The following SYN3 variants were observed in gnomAD, a reference collection of about 807,000 sequenced individuals.
SYN3 encodes synapsin III.
Under a neutral mutation model 65.8 loss-of-function variants are expected in SYN3, and 35 were observed. The observed-to-expected ratio is 0.53, with a 90% confidence interval of 0.41 to 0.70. The LOEUF is 0.70. Among genes scored for constraint, SYN3 ranks in the 30% least tolerant of loss-of-function variants. The probability of loss-of-function intolerance (pLI) is 0.00; values close to 1 mark genes in which losing one functional copy is unlikely to be tolerated. For synonymous variants in SYN3, 270 were observed against 292.9 expected (o/e 0.92, Z 0.80); for missense variants, 680 against 749.0 (o/e 0.91, Z 1.08).
At chr22:32,922,551 G>A (rs1048907208) in intron 4 of SYN3, among the ~76,000 whole-genome samples, 18 of 152,004 alleles carry the variant, frequency 1.2e-4, no homozygotes, top group African/African-American at 3.9e-4. Context: ...AACTAAGTCC[G>A]GATCCAGAGC....
At chr22:32,792,146 G>A (rs929486986) in intron 6 of SYN3, among the ~76,000 whole-genome samples, 8 of 152,174 alleles carry the variant, frequency 5.3e-5, no homozygotes, top group Non-Finnish European at 1.0e-4. Context: ...AAAATCCTAC[G>A]AGGTATGCAT....
At position 32,780,951 on chromosome 22, in the gene SYN3, T is replaced by TTCCTTCCG. The variant is rs2046034572; in HGVS notation, c.711+83963_711+83964insCGGAAGGA. On this transcript the variant is annotated intron_variant, in intron 6 of 13. Transcript: ENST00000358763. ...TTCCTTCCTTTCCTTCCTTCCTTCC[T>TTCCTTCCG]TCCTTCCTTCCTTCCTTCCTTCCTT... Among the ~76,000 whole-genome samples, 10 of 76,276 alleles carry TTCCTTCCG rather than the reference T, an allele frequency of 1.3e-4. 1 individual carries two copies. Among genetic ancestry groups the TTCCTTCCG allele is most frequent in the African/African-American group, 4.0e-4 (10 of 25,258 alleles). The allele number at this position is 76,276 out of a possible 152,430, so 50.0% of individuals were successfully genotyped here.
At chr22:32,745,099 G>C (rs1412133418) in intron 6 of SYN3, among the ~76,000 whole-genome samples, 2 of 152,174 alleles carry the variant, frequency 1.3e-5, no homozygotes, top group African/African-American at 4.8e-5. Context: ...GGAATCAGTG[G>C]TGCAGAAGTT....
intron 6 of SYN3, among the ~76,000 whole-genome samples, chr22:32,731,577 T>A (rs1421578865): frequency 6.6e-6 from 1 of 152,140 alleles, no homozygotes; most frequent in Non-Finnish European, 1.5e-5. Context: ...TCAAGGCCAG[T>A]GGTGAGGTAA....
chr22:32,850,289 T>A (rs1393035462), intron 6 of SYN3, among the ~76,000 whole-genome samples: 3 of 151,960 alleles, frequency 2.0e-5, no homozygotes, highest in Admixed American at 2.0e-4. Flanking sequence ...GGCTTGTCCC[T>A]TTTCCTGGGC....
chr22:32,702,550 T>C (rs1420013599), intron 6 of SYN3, among the ~76,000 whole-genome samples: 1 of 152,254 alleles, frequency 6.6e-6, no homozygotes, highest in Non-Finnish European at 1.5e-5. Flanking sequence ...TCAGTGATTC[T>C]GAAACTAAGA....
At chr22:32,602,626 T>C (rs2059301690) in intron 6 of SYN3, among the ~76,000 whole-genome samples, 1 of 152,112 alleles carries the variant, frequency 6.6e-6, no homozygotes, top group African/African-American at 2.4e-5. Flanking sequence ...CATGCCCAGC[T>C]AATTTTTGTA....
intron 6 of SYN3, among the ~76,000 whole-genome samples, chr22:32,811,527 C>T (rs550433321): frequency 6.6e-6 from 1 of 152,166 alleles, no homozygotes; most frequent in Non-Finnish European, 1.5e-5. Flanking sequence ...ATCCCCCCGC[C>T]TCCAAATCTA....
At chr22:32,559,689 G>C (rs1050785415) in intron 7 of SYN3, among the ~76,000 whole-genome samples, 2 of 152,156 alleles carry the variant, frequency 1.3e-5, no homozygotes, top group African/African-American at 4.8e-5. Context: ...TTAGCCGGGC[G>C]TGGCGGCGGG....
At chr22:32,931,080 A>G in intron 4 of SYN3, 1 of 234,164 alleles carries the variant, frequency 4.3e-6, no homozygotes, top group Non-Finnish European at 8.6e-6. Context: ...GCATATCATC[A>G]TGCTGCAGAT....
intron 6 of SYN3, among the ~76,000 whole-genome samples, chr22:32,701,940 A>G (rs2060815647): frequency 6.6e-6 from 1 of 152,232 alleles, no homozygotes; most frequent in Non-Finnish European, 1.5e-5. Flanking sequence ...GAAAAAACAC[A>G]AAGAAAACCA....
intron 6 of SYN3, among the ~76,000 whole-genome samples, chr22:32,608,316 C>T (rs754175348): frequency 6.6e-6 from 1 of 152,228 alleles, no homozygotes; most frequent in Non-Finnish European, 1.5e-5. Context: ...ATGATCCGCC[C>T]GCTTCGGCTT....
chr22:32,933,144 A>G (rs1477318013), intron 3 of SYN3, among the ~76,000 whole-genome samples: 1 of 152,200 alleles, frequency 6.6e-6, no homozygotes, highest in Admixed American at 6.5e-5. Flanking sequence ...CTATAATGCT[A>G]TCGGCTAAAA....
chr22:32,567,358 TTTCC>T lies in SYN3; in HGVS notation c.775-25649_775-25646del, dbSNP rs3070481. Among the ~76,000 whole-genome samples the T allele has an allele frequency of 9.0e-4, 97 of 108,168 alleles. 1 individual carries two copies. The highest frequency in any genetic ancestry group is 3.6e-3 in the African/African-American group (93 of 25,808). The allele number at this position is 108,168 out of a possible 152,430, so 71.0% of individuals were successfully genotyped here. On this transcript the variant is annotated intron_variant, in intron 7 of 13. Coordinates refer to ENST00000358763, the MANE Select transcript of SYN3 (RefSeq NM_003490.4). ...CCTCCCTCCCTCCCTCCCTCCCTTCTTTCCTTCCTTCCTTCCTTCCTTCACCAAA... is the reference window on the plus strand; with the variant it reads ...CCTCCCTCCCTCCCTCCCTCCCTTCTTTCCTTCCTTCCTTCCTTCACCAAA...
chr22:32,826,264 A>T (rs1444090644), intron 6 of SYN3, among the ~76,000 whole-genome samples: 1 of 152,146 alleles, frequency 6.6e-6, no homozygotes, highest in Non-Finnish European at 1.5e-5. Flanking sequence ...CTCCATCTCT[A>T]CTAAAAATAC....
chr22:32,771,477 G>A (rs574020426), intron 6 of SYN3, among the ~76,000 whole-genome samples: 2 of 152,342 alleles, frequency 1.3e-5, no homozygotes, highest in Admixed American at 6.5e-5. Flanking sequence ...ACAACACTTG[G>A]TGAAGAATGG....
At chr22:32,638,496 C>T (rs9621517) in intron 6 of SYN3, among the ~76,000 whole-genome samples, 44,915 of 151,996 alleles carry the variant, frequency 0.3, 7,144 homozygotes, top group African/African-American at 0.39. Flanking sequence ...TTTTTGATAA[C>T]AGCCATTCTG....
chr22:32,628,090 G>A (rs541346839), intron 6 of SYN3, among the ~76,000 whole-genome samples: 1 of 152,132 alleles, frequency 6.6e-6, no homozygotes, highest in East Asian at 1.9e-4. Context: ...ATCCCAAAGT[G>A]TGGGGATTAC....
intron 6 of SYN3, among the ~76,000 whole-genome samples, chr22:32,669,895 A>G (rs1449706970): frequency 2.0e-5 from 3 of 152,130 alleles, no homozygotes; most frequent in African/African-American, 7.2e-5. Flanking sequence ...TAGGGCAGCC[A>G]TCTTGGGCCA....
Sources: allele counts gnomAD v4.1 joint callset (sites outside exome capture counted in the v4.1 genomes callset), GRCh38; gene constraint gnomAD v4.1.1; transcripts MANE v1.5; gene names NCBI Gene and HGNC (gene_info 2026-07-23, HGNC 2026-07-21).